The following NCKIPSD variants were observed in gnomAD, a reference collection of about 807,000 sequenced individuals.
The protein encoded by NCKIPSD is NCK-interacting protein with SH3 domain.
Under a neutral mutation model 73.4 loss-of-function variants are expected in NCKIPSD, and 48 were observed. The ratio of observed to expected loss-of-function variants is 0.65; its 90% CI spans 0.52 to 0.83. NCKIPSD has a LOEUF of 0.83. Among genes scored for constraint, NCKIPSD ranks in the 40% least tolerant of loss-of-function variants. The pLI is 0.00. For synonymous variants in NCKIPSD, 422 were observed against 403.6 expected (o/e 1.05, Z -0.54); for missense variants, 884 against 970.2 (o/e 0.91, Z 1.18).
intron 1 of NCKIPSD, 161 bp from the exon 2 acceptor site, chr3:48,683,173 T>C (rs2077383477): frequency 1.5e-6 from 2 of 1,299,684 alleles, no homozygotes; most frequent in Non-Finnish European, 2.1e-6. Flanking sequence ...AATGGGGTTC[T>C]CAAACTGTAT....
intron 2 of NCKIPSD, 86 bp downstream of exon 2, chr3:48,682,817 G>A (rs2077377229): frequency 6.7e-7 from 1 of 1,493,610 alleles, no homozygotes; most frequent in Non-Finnish European, 9.0e-7. Context: ...GCATTTCCCA[G>A]GCCCACCTGC....
intron 5 of NCKIPSD, 187 bp downstream of exon 5, chr3:48,681,100 C>G (rs551899884): frequency 3.6e-4 from 320 of 885,706 alleles, no homozygotes; most frequent in Non-Finnish European, 2.5e-5. Flanking sequence ...GTCCAGGCTG[C>G]GCATCTGCCT....
Position 48,679,393 on chromosome 3 carries a change from C to A in NCKIPSD, c.1554G>T (p.Val518=). The change falls in exon 9 of 13, where the codon GTG becomes GTT. Residue 518 remains valine (V), a synonymous_variant. Coordinates refer to ENST00000294129, the MANE Select transcript of NCKIPSD (RefSeq NM_016453.4). ...CATTCTTACCATAGTGTGCATAGGG[C>A]ACTGCCTCTCCCATGGAGAAGACCA... ...LAMVFSMGEA[V]PYAHYEHLGT... The A allele has an allele frequency of 6.2e-7, 1 of 1,614,174 alleles. No homozygotes were observed. Among genetic ancestry groups the A allele is most frequent in the Non-Finnish European group, 8.5e-7 (1 of 1,180,022 alleles).
intron 12 of NCKIPSD, 103 bp from the exon 13 acceptor site, chr3:48,674,850 C>A: frequency 8.3e-7 from 1 of 1,205,682 alleles, no homozygotes; most frequent in Non-Finnish European, 1.2e-6. Context: ...GGCTGTGGAC[C>A]TGAACATCAG....
intron 12 of NCKIPSD, among the ~76,000 whole-genome samples, chr3:48,677,029 A>C (rs1207743276): frequency 7.3e-6 from 1 of 137,692 alleles, no homozygotes; most frequent in African/African-American, 2.7e-5. Flanking sequence ...CACCCACCTC[A>C]GCCTCCCAAA....
At chr3:48,684,127 T>TG (rs1270414199) in intron 1 of NCKIPSD, among the ~76,000 whole-genome samples, 1 of 151,568 alleles carries the variant, frequency 6.6e-6, no homozygotes, top group African/African-American at 2.4e-5. Context: ...AGCCAGAGTG[T>TG]GGGGGGAGCC....
rs1575558545 is a variant in NCKIPSD, at chr3:48,674,220, T to G, written c.*324A>C. 1 of 1,233,200 alleles carries G rather than the reference T, an allele frequency of 8.1e-7. No individual in the cohort carries two copies. The highest frequency in any genetic ancestry group is 1.0e-6 in the Non-Finnish European group (1 of 976,606). 76.4% of individuals were successfully genotyped at this position (1,233,200 alleles called of 1,614,324 possible). On this transcript the variant is annotated 3_prime_UTR_variant, in exon 13 of 13. Coordinates refer to ENST00000294129, the MANE Select transcript of NCKIPSD (RefSeq NM_016453.4). ...AGACCAGGAGGGGTGGGGATGGGGGTCTGGTCCAGCCTGGAGCGGCAGCAG... is the reference window on the plus strand; with the variant it reads ...AGACCAGGAGGGGTGGGGATGGGGGGCTGGTCCAGCCTGGAGCGGCAGCAG...
intron 12 of NCKIPSD, among the ~76,000 whole-genome samples, chr3:48,676,565 T>C (rs970313844): frequency 7.2e-5 from 11 of 152,182 alleles, no homozygotes; most frequent in Admixed American, 3.9e-4. Context: ...AATGCAGCCT[T>C]GACCTCCTGG....
Position 48,679,965 on chromosome 3 carries a change from AT to A in NCKIPSD, c.1264-79del, listed in dbSNP as rs2077323997. 3.1e-6 allele frequency: 5 copies of A among 1,611,774 alleles called. No individual in the cohort carries two copies. In the South Asian group the frequency reaches 5.5e-5, roughly 18 times the overall value. ...CCGCACAAGAGAGGGCTGAGCACATATGTGTAGGGGAGACTCCTAGCACTGT... is the reference window on the plus strand; with the variant it reads ...CCGCACAAGAGAGGGCTGAGCACATAGTGTAGGGGAGACTCCTAGCACTGT... On this transcript the variant is annotated intron_variant, in intron 6 of 12. Coordinates refer to ENST00000294129, the MANE Select transcript of NCKIPSD (RefSeq NM_016453.4).
At position 48,685,818 on chromosome 3, in the gene NCKIPSD, A is replaced by T. The variant is rs1388415421; in HGVS notation, c.-11T>A. On this transcript the variant is annotated 5_prime_UTR_variant, in exon 1 of 13. Coordinates refer to ENST00000294129, the MANE Select transcript of NCKIPSD (RefSeq NM_016453.4). The stretch of plus-strand genomic sequence containing the variant: ...CAGCGCGCGGTACATGAGGCCGGGC[A>T]GGGCAGGTGCAGGGAAGGTGGCAAG... 6.8e-7 allele frequency: 1 copy of T among 1,462,090 alleles called. No individual in the cohort carries two copies. The highest frequency in any genetic ancestry group is 1.5e-5 in the African/African-American group (1 of 68,630). The allele number at this position is 1,462,090 out of a possible 1,614,324, so 90.6% of individuals were successfully genotyped here.
chr3:48,682,950 G>A lies in NCKIPSD; in HGVS notation c.234C>T (p.Ala78=). 2 of 1,553,272 alleles carry A rather than the reference G, an allele frequency of 1.3e-6. No homozygotes were observed. The highest frequency in any genetic ancestry group is 1.7e-6 in the Non-Finnish European group (2 of 1,148,500). The change falls in exon 2 of 13, where the codon GCC becomes GCT. Residue 78 remains alanine (A), a synonymous_variant. Transcript: ENST00000294129. ...GGCTGTACTTGCCACCATCCCGCAT[G>A]GCTGTGTTGTGTACAGCCTCGATGG... The part of the protein sequence containing the change: ...DRAIEAVHNT[A]MRDGGKYSLE...
intron 1 of NCKIPSD, among the ~76,000 whole-genome samples, chr3:48,683,216 A>C (rs1179987923): frequency 6.6e-6 from 1 of 152,222 alleles, no homozygotes; most frequent in Non-Finnish European, 1.5e-5. Flanking sequence ...GGTGACCCCC[A>C]TGCTGCCACA....
At position 48,682,069 on chromosome 3, in the gene NCKIPSD, C is replaced by T. The variant is rs1394169581; in HGVS notation, c.574G>A (p.Glu192Lys). 10 of 1,601,420 alleles carry T rather than the reference C, an allele frequency of 6.2e-6. No individual in the cohort carries two copies. Among genetic ancestry groups the T allele is most frequent in the Admixed American group, 1.7e-5 (1 of 59,992 alleles). ...CCACTCCCAGAGGCCATCAGGGCCT[C>T]GCGGTCTCGGCGCTTCACTGGTGGG... Reference protein sequence around the residue: ...PPPPVKRRDREALMASGSGGH... With the variant: ...PPPPVKRRDRKALMASGSGGH... The change falls in exon 4 of 13, where the codon GAG (glutamate) becomes AAG (lysine). Residue 192 changes from glutamate (E) to lysine (K), a missense_variant. Glu to Lys is a moderately conservative substitution (Grantham distance 56, BLOSUM62 1). Coordinates refer to ENST00000294129, the MANE Select transcript of NCKIPSD (RefSeq NM_016453.4).
intron 5 of NCKIPSD, 101 bp downstream of exon 5, chr3:48,681,180 TCAGAGC>T (rs1323603240): frequency 1.4e-6 from 2 of 1,464,770 alleles, no homozygotes; most frequent in African/African-American, 2.8e-5. Flanking sequence ...CAGTAAGAGC[TCAGAGC>T]CAGAGCTTGA....
In NCKIPSD at chr3:48,685,621, G is replaced by A. The variant is rs1476488636; in HGVS notation, c.171+16C>T. On this transcript the variant is annotated intron_variant, in intron 1 of 12. Transcript: ENST00000294129. ...CCCCAGGGGCGCGGAGGCCGGGCGGGAAGGGGCGCACTCACCTGCAGGCGG... is the reference window on the plus strand; with the variant it reads ...CCCCAGGGGCGCGGAGGCCGGGCGGAAAGGGGCGCACTCACCTGCAGGCGG... 12 of 1,515,178 alleles carry A rather than the reference G, an allele frequency of 7.9e-6. No individual in the cohort carries two copies. The South Asian group carries it at 1.1e-4, about 14-fold the overall frequency. 93.9% of individuals were successfully genotyped at this position (1,515,178 alleles called of 1,614,324 possible).
In NCKIPSD at chr3:48,674,647, C is replaced by G; in HGVS notation, c.2066G>C (p.Arg689Pro). ...RLPDLQAILR[R>P]ILNEEETSPQ... Reference sequence around the variant, plus strand: ...TGAGGTCTCCTCCTCATTCAGGATGCGTCGCAGTATGGCCTGCAGGTCGGG... The same window carrying G: ...TGAGGTCTCCTCCTCATTCAGGATGGGTCGCAGTATGGCCTGCAGGTCGGG... Residue 689 changes from arginine to proline, a missense_variant, in exon 13 of 13, where the codon CGC becomes CCC. Coordinates refer to ENST00000294129, the MANE Select transcript of NCKIPSD (RefSeq NM_016453.4). The G allele has an allele frequency of 6.2e-7, 1 of 1,613,722 alleles. No individual in the cohort carries two copies. The highest frequency in any genetic ancestry group is 8.5e-7 in the Non-Finnish European group (1 of 1,179,860).
chr3:48,677,015 G>C (rs2077266044), intron 12 of NCKIPSD, among the ~76,000 whole-genome samples: 1 of 149,066 alleles, frequency 6.7e-6, no homozygotes, highest in African/African-American at 2.5e-5. Flanking sequence ...GACCTCAAGT[G>C]ATCCACCCAC....
chr3:48,674,082 G>A lies in NCKIPSD; in HGVS notation c.*462C>T, dbSNP rs556171833. 31 of 1,080,370 alleles carry A rather than the reference G, an allele frequency of 2.9e-5. No homozygotes were observed. Among genetic ancestry groups the A allele is most frequent in the East Asian group, 2.4e-4 (5 of 21,038 alleles). The allele number at this position is 1,080,370 out of a possible 1,614,324, so 66.9% of individuals were successfully genotyped here. A position where few individuals can be genotyped will look rare whatever the true frequency, so the allele number is the denominator to read the frequency against. ...GTGAAGGGCAGCGACCCCCATGTGCGGGTGGAGGGGAGGACATGAGCAGCA... is the reference window on the plus strand; with the variant it reads ...GTGAAGGGCAGCGACCCCCATGTGCAGGTGGAGGGGAGGACATGAGCAGCA... On this transcript the variant is annotated 3_prime_UTR_variant, in exon 13 of 13. Coordinates refer to ENST00000294129, the MANE Select transcript of NCKIPSD (RefSeq NM_016453.4).
At chr3:48,683,195 C>T (rs1257108746) in intron 1 of NCKIPSD, among the ~76,000 whole-genome samples, 183 bp from the exon 2 acceptor site, 1 of 152,258 alleles carries the variant, frequency 6.6e-6, no homozygotes, top group Non-Finnish European at 1.5e-5. Context: ...ACTCAGGGAG[C>T]TGAGGCACAG....
Sources: gnomAD v4.1 joint callset for allele counts (sites outside exome capture counted in the v4.1 genomes callset) on GRCh38, gnomAD v4.1.1 for gene constraint, MANE v1.5 for transcripts, NCBI Gene and HGNC (gene_info 2026-07-23, HGNC 2026-07-21) for gene names.